The following SPATS2L variants were observed in gnomAD, a reference collection of about 807,000 sequenced individuals.
The protein encoded by SPATS2L is spermatogenesis associated serine rich 2 like.
Under a neutral mutation model 59.6 loss-of-function variants are expected in SPATS2L, and 30 were observed. That is an observed-to-expected ratio of 0.50 (90% CI 0.38 to 0.68). SPATS2L has a LOEUF of 0.68. Among genes scored for constraint, SPATS2L ranks in the 30% least tolerant of loss-of-function variants. The pLI is 0.00. For synonymous variants in SPATS2L, 252 were observed against 263.5 expected (o/e 0.96, Z 0.42); for missense variants, 615 against 700.0 (o/e 0.88, Z 1.37).
chr2:200,306,830 A>T lies in SPATS2L; in HGVS notation c.-165A>T. The T allele has an allele frequency of 3.1e-6, 3 of 980,464 alleles. No homozygotes were observed. The highest frequency in any genetic ancestry group is 3.6e-6 in the Non-Finnish European group (3 of 828,014). The allele number at this position is 980,464 out of a possible 1,614,324, so 60.7% of individuals were successfully genotyped here. On this transcript the variant is annotated 5_prime_UTR_variant, in exon 1 of 13. Transcript: ENST00000409140. ...CCGCTCGGCCCGCCCTCCGAGCCGC[A>T]GGGGCCGCCACCGCCGCGGCGCCTC...
chr2:200,367,238 A>T (rs1291548017), intron 2 of SPATS2L, among the ~76,000 whole-genome samples: 1 of 152,168 alleles, frequency 6.6e-6, no homozygotes, highest in Non-Finnish European at 1.5e-5. Context: ...AATTAACATT[A>T]AGTTGGGTTT....
chr2:200,307,335 C>T (rs924357341), intron 1 of SPATS2L, among the ~76,000 whole-genome samples: 6 of 151,822 alleles, frequency 4.0e-5, no homozygotes, highest in Non-Finnish European at 4.4e-5. Context: ...CGGAAAGAGA[C>T]CCACCGTCCC....
At chr2:200,417,536 G>A (rs2083115643) in intron 5 of SPATS2L, among the ~76,000 whole-genome samples, 1 of 152,140 alleles carries the variant, frequency 6.6e-6, no homozygotes, top group South Asian at 2.1e-4. Context: ...GAAAAAAAGA[G>A]CAGACAGCAG....
Position 200,396,011 on chromosome 2 carries a change from G to GA in SPATS2L, c.39+6751dup, listed in dbSNP as rs1218853084. Among the ~76,000 whole-genome samples the GA allele has an allele frequency of 6.2e-3, 66 of 10,590 alleles. 5 individuals are homozygous for GA. Among genetic ancestry groups the GA allele is most frequent in the Middle Eastern group, 0.17 (1 of 6 alleles). 6.9% of individuals were successfully genotyped at this position (10,590 alleles called of 152,430 possible). A position where few individuals can be genotyped will look rare whatever the true frequency, so the allele number is the denominator to read the frequency against. On this transcript the variant is annotated intron_variant, in intron 3 of 12. Coordinates refer to ENST00000409140, the MANE Select transcript of SPATS2L (RefSeq NM_001100423.2). ...GGGCAAAAGAGTGAGACTCGATCTGGAAAAAAAAAAAAAAAAAAAAAAATA... is the reference window on the plus strand; with the variant it reads ...GGGCAAAAGAGTGAGACTCGATCTGGAAAAAAAAAAAAAAAAAAAAAAAATA...
At chr2:200,335,105 G>A (rs1326071782) in intron 2 of SPATS2L, among the ~76,000 whole-genome samples, 1 of 152,112 alleles carries the variant, frequency 6.6e-6, no homozygotes, top group Non-Finnish European at 1.5e-5. Context: ...ACCTTGGGCA[G>A]TATGGCCATT....
chr2:200,342,374 G>A (rs1261119015), intron 2 of SPATS2L, among the ~76,000 whole-genome samples: 1 of 152,228 alleles, frequency 6.6e-6, no homozygotes, highest in Non-Finnish European at 1.5e-5. Flanking sequence ...TATTGGAGGA[G>A]GACCTGGAAG....
chr2:200,314,613 G>C (rs1053863840), intron 1 of SPATS2L, among the ~76,000 whole-genome samples: 8 of 152,152 alleles, frequency 5.3e-5, no homozygotes, highest in African/African-American at 1.9e-4. Context: ...CTTCAGGTGT[G>C]TGTCAGTCTC....
chr2:200,314,803 G>GT (rs1253347465), intron 1 of SPATS2L, among the ~76,000 whole-genome samples: 12 of 152,164 alleles, frequency 7.9e-5, no homozygotes, highest in East Asian at 1.9e-4. Flanking sequence ...TGAGATGTGC[G>GT]TAAGTGTAAA....
chr2:200,340,114 T>A (rs1170422987), intron 2 of SPATS2L, among the ~76,000 whole-genome samples: 1 of 152,208 alleles, frequency 6.6e-6, no homozygotes, highest in East Asian at 1.9e-4. Context: ...AGCCCCACTG[T>A]GGCCATCTCC....
At chr2:200,339,557 T>C (rs1489727774) in intron 2 of SPATS2L, among the ~76,000 whole-genome samples, 5 of 152,192 alleles carry the variant, frequency 3.3e-5, no homozygotes, top group Non-Finnish European at 4.4e-5. Flanking sequence ...GGAAAATAAG[T>C]AGATATTTTA....
chr2:200,312,090 C>T (rs528919769), intron 1 of SPATS2L, among the ~76,000 whole-genome samples: 1 of 152,124 alleles, frequency 6.6e-6, no homozygotes, highest in Non-Finnish European at 1.5e-5. Flanking sequence ...ATATAGATAC[C>T]TGCAGTAATT....
At chr2:200,456,380 C>T (rs946609672) in intron 8 of SPATS2L, among the ~76,000 whole-genome samples, 3 of 152,194 alleles carry the variant, frequency 2.0e-5, no homozygotes, top group African/African-American at 7.2e-5. Context: ...ACTTCACAGG[C>T]TCTTTCACAT....
At chr2:200,379,053 A>G (rs2081704204) in intron 2 of SPATS2L, among the ~76,000 whole-genome samples, 1 of 152,156 alleles carries the variant, frequency 6.6e-6, no homozygotes, top group Non-Finnish European at 1.5e-5. Flanking sequence ...CAAAACCTTG[A>G]GCCAGCTGAA....
intron 2 of SPATS2L, among the ~76,000 whole-genome samples, chr2:200,362,407 A>G (rs1426534581): frequency 6.6e-6 from 1 of 152,204 alleles, no homozygotes; most frequent in Non-Finnish European, 1.5e-5. Context: ...CTGATGAGGG[A>G]GCTGCACAGT....
At chr2:200,363,423 C>T (rs924637126) in intron 2 of SPATS2L, among the ~76,000 whole-genome samples, 5 of 152,212 alleles carry the variant, frequency 3.3e-5, no homozygotes, top group African/African-American at 1.2e-4. Context: ...TGGTTTTCCT[C>T]TCAACCTGAC....
At position 200,469,919 on chromosome 2, in the gene SPATS2L, T is replaced by G; in HGVS notation, c.963T>G (p.Phe321Leu). The G allele has an allele frequency of 6.2e-7, 1 of 1,608,914 alleles. No homozygotes were observed. The highest frequency in any genetic ancestry group is 8.5e-7 in the Non-Finnish European group (1 of 1,177,652). The change falls in exon 11 of 13, where the codon TTT (phenylalanine) becomes TTG (leucine). Residue 321 changes from phenylalanine to leucine, a missense_variant. Phe to Leu is a conservative substitution (Grantham distance 22). Coordinates refer to ENST00000409140, the MANE Select transcript of SPATS2L (RefSeq NM_001100423.2). ...LAELRAEIKH[F>L]VSERKYDEEL... is the part of the protein sequence containing the mutation. The stretch of plus-strand genomic sequence containing the variant: ...TTTTCATCTCTTTCCTCCAGCACTT[T>G]GTCAGCGAGCGTAAATATGACGAGG...
intron 2 of SPATS2L, among the ~76,000 whole-genome samples, chr2:200,382,213 T>G (rs2081839583): frequency 6.6e-6 from 1 of 152,128 alleles, no homozygotes. Flanking sequence ...TACCTGGGAC[T>G]ACAAACACAC....
At position 200,374,919 on chromosome 2, in the gene SPATS2L, G is replaced by A. The variant is rs1356860702; in HGVS notation, c.-22-14304G>A. Among the ~76,000 whole-genome samples the A allele has an allele frequency of 2.6e-5, 4 of 152,162 alleles. No homozygotes were observed. In the East Asian group the frequency reaches 5.8e-4, roughly 22 times the overall value. ...TTATTTGAGCCACTGTACTAAAAAA[G>A]TTTTGTTTCATTCAATCTTTAGAAA... On this transcript the variant is annotated intron_variant, in intron 2 of 12. Coordinates refer to ENST00000409140, the MANE Select transcript of SPATS2L (RefSeq NM_001100423.2).
intron 7 of SPATS2L, among the ~76,000 whole-genome samples, chr2:200,440,064 G>T (rs1256872724): frequency 6.6e-6 from 1 of 152,216 alleles, no homozygotes; most frequent in Non-Finnish European, 1.5e-5. Flanking sequence ...CAATCTGCCT[G>T]TTTGTGATGT....
Sources: gnomAD v4.1 joint callset for allele counts (sites outside exome capture counted in the v4.1 genomes callset) on GRCh38, gnomAD v4.1.1 for gene constraint, MANE v1.5 for transcripts, NCBI Gene and HGNC (gene_info 2026-07-23, HGNC 2026-07-21) for gene names.